Variants in KIF6 observed in about 807,000 individuals in gnomAD.
KIF6 encodes kinesin family member 6, also known as kinesin-like protein KIF6.
Under a neutral mutation model 112.7 loss-of-function variants are expected in KIF6, and 106 were observed. The observed-to-expected ratio is 0.94, with a 90% CI of 0.80 to 1.11. The LOEUF is 1.11. Among genes scored for constraint, KIF6 ranks in the 50% least tolerant of loss-of-function variants. The pLI is 0.00. For missense variants in KIF6, 929 were observed against 964.0 expected (o/e 0.96, Z 0.48); for synonymous variants, 339 against 339.9 (o/e 1.00, Z 0.03).
chr6:39,505,841 A>T (rs1163706141), intron 13 of KIF6, among the ~76,000 whole-genome samples: 27 of 152,220 alleles, frequency 1.8e-4, no homozygotes, highest in Admixed American at 1.8e-3. Flanking sequence ...GTTATCAAAA[A>T]GCCAAAAAAC....
chr6:39,351,343 A>G (rs1764231756), intron 19 of KIF6, among the ~76,000 whole-genome samples: 1 of 151,342 alleles, frequency 6.6e-6, no homozygotes, highest in South Asian at 2.1e-4. Flanking sequence ...AGATCCTACC[A>G]TCTCAGCCTC....
chr6:39,501,528 T>C (rs1776135915), intron 13 of KIF6, among the ~76,000 whole-genome samples: 1 of 152,104 alleles, frequency 6.6e-6, no homozygotes, highest in Non-Finnish European at 1.5e-5. Flanking sequence ...ATAATGAACT[T>C]TACTGAGTTA....
At chr6:39,699,577 C>T (rs1031266502) in intron 3 of KIF6, among the ~76,000 whole-genome samples, 1 of 152,132 alleles carries the variant, frequency 6.6e-6, no homozygotes, top group Non-Finnish European at 1.5e-5. Flanking sequence ...GCAGGGCTGG[C>T]TAAACTATTG....
At chr6:39,621,934 G>T (rs1783842038) in intron 5 of KIF6, among the ~76,000 whole-genome samples, 1 of 152,126 alleles carries the variant, frequency 6.6e-6, no homozygotes, top group South Asian at 2.1e-4. Context: ...GGGAAGCCGA[G>T]GTGGGTGGAT....
At chr6:39,578,032 A>AG in intron 10 of KIF6, 24 bp downstream of exon 10, 4 of 1,479,626 alleles carry the variant, frequency 2.7e-6, no homozygotes, top group Non-Finnish European at 2.8e-6. Flanking sequence ...TTAAAGAAAA[A>AG]GAAAAAAAAG....
intron 13 of KIF6, among the ~76,000 whole-genome samples, chr6:39,504,147 C>A (rs1056176610): frequency 3.9e-5 from 6 of 152,006 alleles, no homozygotes; most frequent in Admixed American, 2.0e-4. Context: ...ACATCAAAAA[C>A]CTTATCCACC....
intron 14 of KIF6, among the ~76,000 whole-genome samples, chr6:39,426,200 T>C (rs1770752162): frequency 6.6e-6 from 1 of 152,198 alleles, no homozygotes; most frequent in East Asian, 1.9e-4. Context: ...TTGTATACTA[T>C]AGGGATGAGT....
chr6:39,553,751 G>A (rs926140270), intron 10 of KIF6: 4 of 152,190 alleles, frequency 2.6e-5, no homozygotes, highest in African/African-American at 9.7e-5. Flanking sequence ...AGTAGGTAGA[G>A]ACGGGCTCAG....
rs370813030 is a variant in KIF6, at chr6:39,596,228, G to A, written c.672C>T (p.His224=). ...TTGACAAATGAATGGTGAAAATGCA[G>A]TGGGAACGGGTTGAAGCTTGGTTCA... ...TPMNQASTRS[H]CIFTIHLSSK... is the part of the protein sequence containing the mutation. Residue 224 remains histidine (H), a synonymous_variant, in exon 7 of 23, where the codon CAC becomes CAT. Transcript: ENST00000287152. The A allele has an allele frequency of 4.3e-6, 7 of 1,614,014 alleles. No individual in the cohort carries two copies. Among genetic ancestry groups the A allele is most frequent in the Non-Finnish European group, 5.9e-6 (7 of 1,179,932 alleles).
intron 13 of KIF6, among the ~76,000 whole-genome samples, chr6:39,467,632 C>G (rs1037815739): frequency 6.6e-6 from 1 of 152,148 alleles, no homozygotes; most frequent in African/African-American, 2.4e-5. Flanking sequence ...CTGAGATAGT[C>G]CATCCAAGCC....
chr6:39,332,885 T>G lies in KIF6; in HGVS notation c.*3647A>C, dbSNP rs1339271676. 1 of 152,216 alleles carries G rather than the reference T, an allele frequency of 6.6e-6. No individual in the cohort carries two copies. Among genetic ancestry groups the G allele is most frequent in the East Asian group, 1.9e-4 (1 of 5,196 alleles). 9.4% of individuals were successfully genotyped at this position (152,216 alleles called of 1,614,324 possible). On this transcript the variant is annotated 3_prime_UTR_variant, in exon 23 of 23. Transcript: ENST00000287152. Reference sequence around the variant, plus strand: ...TGTCCTCCCTGGATTCCCAGCTCCATTTCCTCAACTCAGGGAAACCACTGG... The same window carrying G: ...TGTCCTCCCTGGATTCCCAGCTCCAGTTCCTCAACTCAGGGAAACCACTGG...
At chr6:39,670,843 C>T (rs1030739541) in intron 3 of KIF6, among the ~76,000 whole-genome samples, 2 of 152,036 alleles carry the variant, frequency 1.3e-5, no homozygotes, top group African/African-American at 4.8e-5. Flanking sequence ...CTTTGAGCAC[C>T]CTCCCCAAAC....
intron 8 of KIF6, among the ~76,000 whole-genome samples, chr6:39,585,490 A>C (rs1781576458): frequency 6.6e-6 from 1 of 152,198 alleles, no homozygotes. Context: ...GCTCTAGAAC[A>C]TTATTTTTTA....
intron 3 of KIF6, among the ~76,000 whole-genome samples, chr6:39,658,111 T>C (rs1785908177): frequency 6.6e-6 from 1 of 152,184 alleles, no homozygotes; most frequent in Non-Finnish European, 1.5e-5. Context: ...AACTTACCCA[T>C]TTTATGTATG....
intron 3 of KIF6, among the ~76,000 whole-genome samples, chr6:39,645,484 C>T (rs1253164038): frequency 6.6e-6 from 1 of 152,146 alleles, no homozygotes; most frequent in African/African-American, 2.4e-5. Flanking sequence ...CAAGATACAG[C>T]CTTGCATTCC....
At chr6:39,396,007 CAGTT>C (rs2150331311) in intron 15 of KIF6, among the ~76,000 whole-genome samples, 1 of 152,206 alleles carries the variant, frequency 6.6e-6, no homozygotes, top group East Asian at 1.9e-4. Context: ...AATTTTAAAT[CAGTT>C]AGTGCTTAAA....
At chr6:39,419,628 C>T (rs1047007654) in intron 15 of KIF6, among the ~76,000 whole-genome samples, 6 of 152,232 alleles carry the variant, frequency 3.9e-5, no homozygotes, top group Non-Finnish European at 8.8e-5. Flanking sequence ...TGACGTCTCA[C>T]TGTAACCGTG....
At chr6:39,658,677 G>A (rs1785946631) in intron 3 of KIF6, among the ~76,000 whole-genome samples, 1 of 152,140 alleles carries the variant, frequency 6.6e-6, no homozygotes, top group Admixed American at 6.5e-5. Flanking sequence ...TACTTAACAT[G>A]TTAAGTTCAG....
intron 3 of KIF6, among the ~76,000 whole-genome samples, chr6:39,708,177 C>T (rs1190715741): frequency 1.3e-5 from 2 of 152,096 alleles, no homozygotes; most frequent in East Asian, 3.9e-4. Flanking sequence ...TGGGCAATGA[C>T]CTTGGCACAA....
Sources: allele counts gnomAD v4.1 joint callset (sites outside exome capture counted in the v4.1 genomes callset), GRCh38; gene constraint gnomAD v4.1.1; transcripts MANE v1.5; gene names NCBI Gene and HGNC (gene_info 2026-07-23, HGNC 2026-07-21).